FRMPD4: variants seen among roughly 807,000 people sequenced by gnomAD.
The protein encoded by FRMPD4 is FERM and PDZ domain-containing protein 4.
FRMPD4 carries 22 observed loss-of-function variants against 94.1 expected under a neutral mutation model. The observed-to-expected ratio is 0.23, with a 90% CI of 0.17 to 0.33. The LOEUF (loss-of-function observed/expected upper bound fraction) is 0.33. FRMPD4 is among the 10% of genes least tolerant of loss of function. The pLI is 1.00. For synonymous variants in FRMPD4, 631 were observed against 548.6 expected (o/e 1.15, Z -2.10); for missense variants, 1,111 against 1,339.9 (o/e 0.83, Z 2.67).
intron 4 of FRMPD4, among the ~76,000 whole-genome samples, chrX:12,634,352 G>T (rs187959170): frequency 3.6e-5 from 4 of 112,083 alleles, no homozygotes; most frequent in Non-Finnish European, 5.6e-5. Flanking sequence ...TGTCAGAGCT[G>T]AATTGATCAC....
chrX:12,302,526 T>C lies in FRMPD4; in HGVS notation c.41+163514T>C, dbSNP rs776919544. On this transcript the variant is annotated intron_variant, in intron 1 of 16. Coordinates refer to ENST00000675598, the MANE Select transcript of FRMPD4 (RefSeq NM_001368397.1). Reference sequence around the variant, plus strand: ...AGAGGTAAGGAAATACTAAGTGAGATGTGCAAGGCTAGTCCTGAGCTCACT... The same window carrying C: ...AGAGGTAAGGAAATACTAAGTGAGACGTGCAAGGCTAGTCCTGAGCTCACT... Among the ~76,000 whole-genome samples, 88 of 111,486 alleles carry C rather than the reference T, an allele frequency of 7.9e-4. 1 individual carries two copies. Among genetic ancestry groups the C allele is most frequent in the Middle Eastern group, 4.6e-3 (1 of 217 alleles).
chrX:12,232,515 C>T (rs1428350219), intron 1 of FRMPD4, among the ~76,000 whole-genome samples: 4 of 110,659 alleles, frequency 3.6e-5, no homozygotes, highest in South Asian at 7.8e-4. Flanking sequence ...CCTCCCACAA[C>T]ACGTGGAAAT....
intron 1 of FRMPD4, among the ~76,000 whole-genome samples, chrX:12,151,741 CCTT>C (rs2055854414): frequency 9.0e-6 from 1 of 111,696 alleles, no homozygotes; most frequent in Admixed American, 9.5e-5. Context: ...TATCATTAAA[CCTT>C]CTTTATAAAT....
At chrX:12,200,709 T>C (rs2056621173) in intron 1 of FRMPD4, among the ~76,000 whole-genome samples, 1 of 111,652 alleles carries the variant, frequency 9.0e-6, no homozygotes, top group South Asian at 3.8e-4. Context: ...TAAATAAAAT[T>C]AATGTTTTAA....
chrX:12,103,896 G>A (rs1186908892), intron 3 of FRMPD4, among the ~76,000 whole-genome samples: 2 of 111,674 alleles, frequency 1.8e-5, no homozygotes, highest in Non-Finnish European at 3.8e-5. Context: ...AATTGCCTCT[G>A]TCTTAGTCTA....
At chrX:12,580,511 C>T (rs1218266282) in intron 2 of FRMPD4, among the ~76,000 whole-genome samples, 1 of 111,990 alleles carries the variant, frequency 8.9e-6, no homozygotes, top group Non-Finnish European at 1.9e-5. Flanking sequence ...ACAACAATAA[C>T]TAATAATGAA....
chrX:12,546,545 C>G (rs2058478690), intron 2 of FRMPD4, among the ~76,000 whole-genome samples: 1 of 111,798 alleles, frequency 8.9e-6, no homozygotes, highest in South Asian at 3.7e-4. Context: ...GTCCTTATGA[C>G]CAGTGTTTTC....
intron 1 of FRMPD4, among the ~76,000 whole-genome samples, chrX:12,297,557 CTG>C (rs1047219571): frequency 7.2e-5 from 8 of 111,046 alleles, no homozygotes; most frequent in Non-Finnish European, 1.3e-4. Flanking sequence ...AGACAGGGAA[CTG>C]TGAAAAATAC....
intron 2 of FRMPD4, among the ~76,000 whole-genome samples, chrX:12,511,437 AG>A (rs2058041154): frequency 8.9e-6 from 1 of 112,094 alleles, no homozygotes; most frequent in African/African-American, 3.2e-5. Context: ...ATATCAACAA[AG>A]AGACACAAAC....
intron 1 of FRMPD4, among the ~76,000 whole-genome samples, chrX:12,402,786 T>C (rs1162536068): frequency 8.9e-6 from 1 of 111,915 alleles, no homozygotes; most frequent in African/African-American, 3.2e-5. Flanking sequence ...TGCCCTTCTC[T>C]GCCTTATGCC....
chrX:11,850,131 A>G (rs377109265), intron 1 of FRMPD4, among the ~76,000 whole-genome samples: 73 of 112,300 alleles, frequency 6.5e-4, no homozygotes, highest in African/African-American at 1.9e-3. Context: ...TGAATAGACA[A>G]TTCTCCAAAG....
At chrX:12,246,543 G>A (rs184463429) in intron 1 of FRMPD4, among the ~76,000 whole-genome samples, 27 of 111,780 alleles carry the variant, frequency 2.4e-4, no homozygotes, top group Non-Finnish European at 4.7e-4. Flanking sequence ...CCTTGAAATT[G>A]GAGTAAGACT....
chrX:12,272,793 C>A (rs901577670), intron 1 of FRMPD4, among the ~76,000 whole-genome samples: 1 of 111,491 alleles, frequency 9.0e-6, no homozygotes, highest in South Asian at 3.7e-4. Flanking sequence ...GAAAAGGCTG[C>A]GTGTGGTGGC....
At chrX:12,469,961 G>A (rs772597052) in intron 1 of FRMPD4, among the ~76,000 whole-genome samples, 3 of 112,042 alleles carry the variant, frequency 2.7e-5, no homozygotes, top group African/African-American at 9.7e-5. Flanking sequence ...CATTTTACCT[G>A]GGACGAGTTT....
At chrX:12,529,419 T>C (rs928242641) in intron 2 of FRMPD4, among the ~76,000 whole-genome samples, 2 of 113,004 alleles carry the variant, frequency 1.8e-5, no homozygotes, top group African/African-American at 6.4e-5. Context: ...TGTTGCCATA[T>C]TCTGTTAGTT....
intron 2 of FRMPD4, among the ~76,000 whole-genome samples, chrX:12,605,928 G>A (rs904872867): frequency 1.8e-5 from 2 of 111,856 alleles, no homozygotes; most frequent in African/African-American, 6.5e-5. Flanking sequence ...GAACACTAGC[G>A]TGAACACTTT....
intron 3 of FRMPD4, among the ~76,000 whole-genome samples, chrX:12,057,998 G>A (rs763526802): frequency 1.5e-4 from 17 of 111,110 alleles, no homozygotes; most frequent in Non-Finnish European, 2.8e-4. Context: ...TGCATGTTAT[G>A]CACACTAATT....
intron 1 of FRMPD4, among the ~76,000 whole-genome samples, chrX:12,413,491 A>AAT (rs917685592): frequency 8.9e-6 from 1 of 112,050 alleles, no homozygotes; most frequent in Non-Finnish European, 1.9e-5. Context: ...CAGACAAGGA[A>AAT]ATTGAAACAT....
intron 2 of FRMPD4, among the ~76,000 whole-genome samples, chrX:12,501,442 G>T (rs867270226): frequency 3.2e-5 from 3 of 94,160 alleles, no homozygotes; most frequent in African/African-American, 7.8e-5. Context: ...TCCTTTCCTT[G>T]TTTTTTTTTT....
Sources: gnomAD v4.1 joint callset for allele counts (sites outside exome capture counted in the v4.1 genomes callset) on GRCh38, gnomAD v4.1.1 for gene constraint, MANE v1.5 for transcripts, NCBI Gene and HGNC (gene_info 2026-07-23, HGNC 2026-07-21) for gene names.